The following AGBL3 variants were observed in gnomAD, a reference collection of about 807,000 sequenced individuals.
The protein encoded by AGBL3 is AGBL carboxypeptidase 3.
In AGBL3, 68 loss-of-function variants were observed where a neutral mutation model predicts 94.5. The observed-to-expected ratio is 0.72, with a 90% CI of 0.59 to 0.88. The LOEUF (loss-of-function observed/expected upper bound fraction) is 0.88. Among genes scored for constraint, AGBL3 ranks in the 40% least tolerant of loss-of-function variants. AGBL3 has a pLI of 0.00. For missense variants in AGBL3, 934 were observed against 1,103.8 expected (o/e 0.85, Z 2.18); for synonymous variants, 354 against 370.7 (o/e 0.95, Z 0.52).
chr7:135,097,778 A>ATGTAGGT (rs1270031735), intron 15 of AGBL3, among the ~76,000 whole-genome samples: 25 of 152,170 alleles, frequency 1.6e-4, no homozygotes, highest in Non-Finnish European at 3.1e-4. Flanking sequence ...TTGATATTAT[A>ATGTAGGT]TGTAGGTTGT....
At chr7:135,015,867 G>GA (rs1220202544) in intron 4 of AGBL3, among the ~76,000 whole-genome samples, 1 of 92,454 alleles carries the variant, frequency 1.1e-5, no homozygotes, top group African/African-American at 4.0e-5. Context: ...ACAAAAAAAA[G>GA]AAAAAAAAAA....
intron 15 of AGBL3, chr7:135,101,351 T>G: frequency 2.4e-6 from 1 of 415,948 alleles, no homozygotes; most frequent in East Asian, 7.2e-5. Flanking sequence ...CATTAACATA[T>G]CCTATGAAAC....
At chr7:135,103,962 CATATAGGTAAACTT>C (rs1824257674) in intron 15 of AGBL3, among the ~76,000 whole-genome samples, 1 of 151,846 alleles carries the variant, frequency 6.6e-6, no homozygotes, top group African/African-American at 2.4e-5. Context: ...GCAGGTACCC[CATATAGGTAAACTT>C]ATATAGGTAA....
intron 16 of AGBL3, among the ~76,000 whole-genome samples, chr7:135,124,438 A>G (rs1428820771): frequency 6.6e-6 from 1 of 152,232 alleles, no homozygotes; most frequent in Non-Finnish European, 1.5e-5. Flanking sequence ...CTCCCACACA[A>G]TAATAGTGGA....
intron 5 of AGBL3, among the ~76,000 whole-genome samples, chr7:135,026,244 A>ATTATTTTATTTTATTTTTTTTTT (rs147501962): frequency 1.2e-5 from 1 of 81,464 alleles, no homozygotes; most frequent in Admixed American, 1.4e-4. Flanking sequence ...AATGAATACC[A>ATTATTTTATTTTATTTTTTTTTT]TTATTTTATT....
intron 16 of AGBL3, chr7:135,128,644 T>C (rs1272484983): frequency 2.2e-6 from 2 of 907,670 alleles, no homozygotes; most frequent in Non-Finnish European, 3.6e-6. Context: ...TTTGCCTGGA[T>C]GCAATTTCTT....
intron 4 of AGBL3, among the ~76,000 whole-genome samples, chr7:135,014,794 GT>G (rs1047091973): frequency 1.3e-5 from 2 of 152,160 alleles, no homozygotes; most frequent in African/African-American, 4.8e-5. Context: ...CACTGATTTG[GT>G]GCTCACATGA....
intron 4 of AGBL3, among the ~76,000 whole-genome samples, chr7:135,006,063 A>G (rs1434379027): frequency 6.6e-6 from 1 of 151,872 alleles, no homozygotes; most frequent in Non-Finnish European, 1.5e-5. Flanking sequence ...CATCAAAAAC[A>G]TGATTAATAA....
intron 15 of AGBL3, among the ~76,000 whole-genome samples, chr7:135,102,824 T>C (rs1027564868): frequency 9.9e-5 from 15 of 152,046 alleles, no homozygotes; most frequent in African/African-American, 3.4e-4. Flanking sequence ...TAAAAACTTA[T>C]AGGAAAAAGC....
At chr7:134,991,000 A>G (rs1050734338) in intron 3 of AGBL3, among the ~76,000 whole-genome samples, 1 of 152,078 alleles carries the variant, frequency 6.6e-6, no homozygotes, top group Admixed American at 6.5e-5. Context: ...CCTTCTGTGG[A>G]TAATTCAGAT....
In AGBL3 at chr7:135,080,223, G is replaced by T; in HGVS notation, c.2001G>T (p.Leu667Phe). 1.3e-6 allele frequency: 2 copies of T among 1,549,486 alleles called. No homozygotes were observed. Among genetic ancestry groups the T allele is most frequent in the South Asian group, 1.2e-5 (1 of 84,008 alleles). Residue 667 changes from leucine (L) to phenylalanine (F), a missense_variant, in exon 14 of 17, where the codon TTG (leucine) becomes TTT (phenylalanine). Around this residue, in one of 3 missense-constraint regions of AGBL3, gnomAD observed 441 missense variants for 518.2 expected, o/e 0.85. Coordinates refer to ENST00000436302, the MANE Select transcript of AGBL3 (RefSeq NM_178563.4). Reference protein sequence around the residue: ...RGQEVYDRGHLLQRHTQSNSD... With the variant: ...RGQEVYDRGHFLQRHTQSNSD... ...ATTAGGTTTATGATAGAGGGCATTTGCTGCAAAGACACACACAATCAAATT... is the reference window on the plus strand; with the variant it reads ...ATTAGGTTTATGATAGAGGGCATTTTCTGCAAAGACACACACAATCAAATT...
chr7:135,088,197 A>T (rs1251528883), intron 15 of AGBL3, among the ~76,000 whole-genome samples: 1 of 152,050 alleles, frequency 6.6e-6, no homozygotes, highest in Non-Finnish European at 1.5e-5. Context: ...TTCAGCCTAA[A>T]TGTGTCTTTA....
rs182928636 is a variant in AGBL3, at chr7:135,120,622, C to T, written c.2342+5011C>T. 2.6e-5 allele frequency among the ~76,000 whole-genome samples: 4 copies of T among 152,034 alleles called. 1 individual carries two copies. The highest frequency in any genetic ancestry group is 9.7e-5 in the African/African-American group (4 of 41,382). On this transcript the variant is annotated intron_variant, in intron 16 of 16. Coordinates refer to ENST00000436302, the MANE Select transcript of AGBL3 (RefSeq NM_178563.4). ...CAACTATTACATTAAATGTAAATGA[C>T]CTAAATACAACAGTTAAGGACAGAT...
At chr7:134,994,809 AGG>A (rs1810782268) in intron 4 of AGBL3, among the ~76,000 whole-genome samples, 1 of 152,232 alleles carries the variant, frequency 6.6e-6, no homozygotes, top group African/African-American at 2.4e-5. Context: ...CCAAAGTTAT[AGG>A]GTTAAAAATA....
At chr7:135,037,024 A>G (rs1584909240) in intron 7 of AGBL3, among the ~76,000 whole-genome samples, 3 of 152,032 alleles carry the variant, frequency 2.0e-5, no homozygotes, top group Admixed American at 6.6e-5. Flanking sequence ...GGTTCAAGCA[A>G]TTCTCCTGCC....
chr7:134,989,570 TG>T (rs1809955257), intron 3 of AGBL3, among the ~76,000 whole-genome samples: 1 of 152,230 alleles, frequency 6.6e-6, no homozygotes, highest in Non-Finnish European at 1.5e-5. Context: ...TTTGTTTAAA[TG>T]TATTGACTGT....
At chr7:135,040,435 G>T (rs557032723) in intron 8 of AGBL3, among the ~76,000 whole-genome samples, 5 of 152,004 alleles carry the variant, frequency 3.3e-5, no homozygotes, top group African/African-American at 1.2e-4. Context: ...GACCAGATGG[G>T]GTTTATCCCA....
intron 8 of AGBL3, among the ~76,000 whole-genome samples, chr7:135,039,145 A>T (rs1305530515): frequency 6.6e-6 from 1 of 152,212 alleles, no homozygotes; most frequent in Non-Finnish European, 1.5e-5. Context: ...GAACACCACC[A>T]ACATAAATCA....
intron 13 of AGBL3, among the ~76,000 whole-genome samples, chr7:135,076,707 G>A (rs1412966056): frequency 2.6e-5 from 4 of 151,910 alleles, no homozygotes; most frequent in Non-Finnish European, 5.9e-5. Context: ...AAGTATTTGA[G>A]GAAGCTTACA....
Sources: gnomAD v4.1 joint callset for allele counts (sites outside exome capture counted in the v4.1 genomes callset) on GRCh38, gnomAD v4.1.1 for gene constraint, gnomAD v4.1.1 regional missense constraint, MANE v1.5 for transcripts, NCBI Gene and HGNC (gene_info 2026-07-23, HGNC 2026-07-21) for gene names.